Variants in MYDGF observed in about 807,000 individuals in gnomAD.
MYDGF encodes myeloid-derived growth factor.
In MYDGF, 29 loss-of-function variants were observed where a neutral mutation model predicts 24.2. That is an observed-to-expected ratio of 1.20 (90% CI 0.89 to 1.63). The LOEUF is 1.63. Among genes scored for constraint, MYDGF ranks in the 40% most tolerant of loss-of-function variants. The probability of loss-of-function intolerance (pLI) is 0.00; values close to 1 mark genes in which losing one functional copy is unlikely to be tolerated. For missense variants in MYDGF, 245 were observed against 234.8 expected (o/e 1.04, Z -0.29); for synonymous variants, 105 against 102.5 (o/e 1.02, Z -0.15).
At chr19:4,658,171 C>A (rs1402544663) in intron 5 of MYDGF, 87 bp from the exon 6 acceptor site, 41 of 1,184,940 alleles carry the variant, frequency 3.5e-5, no homozygotes, top group Non-Finnish European at 4.6e-5. Context: ...ATGGTGGGGG[C>A]TAAGCAGGCA....
rs113129733 is a variant in MYDGF at position 4,668,647 on chromosome 19, T to A, written c.175-2A>T. 2.5e-6 allele frequency: 4 copies of A among 1,612,108 alleles called. No homozygotes were observed. Among genetic ancestry groups the A allele is most frequent in the African/African-American group, 1.3e-5 (1 of 74,928 alleles). On this transcript the variant is annotated splice_acceptor_variant, in intron 1 of 5. Coordinates refer to ENST00000262947, the MANE Select transcript of MYDGF (RefSeq NM_019107.4). LOFTEE classifies it high-confidence loss of function. ...AGTGAACATACACGTATATTTGTCCTAGAGAATGGAAGGAAAAAAAAGGTT... is the reference window on the plus strand; with the variant it reads ...AGTGAACATACACGTATATTTGTCCAAGAGAATGGAAGGAAAAAAAAGGTT...
intron 3 of MYDGF, among the ~76,000 whole-genome samples, chr19:4,664,223 GT>G (rs1254618718): frequency 1.3e-5 from 2 of 152,078 alleles, no homozygotes; most frequent in African/African-American, 4.8e-5. Flanking sequence ...GGATGAAAAT[GT>G]TCTGGAAGCA....
Position 4,664,955 on chromosome 19 carries a change from C to T in MYDGF, c.226-18G>A, listed in dbSNP as rs754577322. 27 of 1,611,326 alleles carry T rather than the reference C, an allele frequency of 1.7e-5. No homozygotes were observed. In the African/African-American group the frequency reaches 1.9e-4, roughly 11 times the overall value. ...TGCCATTGCTGGGGAGAGAAGACAG[C>T]GCGGGTCAGCCCCGGACACACAGCT... On this transcript the variant is annotated intron_variant, in intron 2 of 5. Transcript: ENST00000262947.
At chr19:4,667,783 G>A (rs1365703862) in intron 2 of MYDGF, among the ~76,000 whole-genome samples, 1 of 151,202 alleles carries the variant, frequency 6.6e-6, no homozygotes, top group East Asian at 1.9e-4. Flanking sequence ...CTACAGCCTT[G>A]ACCTCCTGGG....
chr19:4,668,200 T>C (rs2088535417), intron 2 of MYDGF, among the ~76,000 whole-genome samples: 1 of 152,210 alleles, frequency 6.6e-6, no homozygotes, highest in Admixed American at 6.5e-5. Flanking sequence ...ATACCTTGAG[T>C]TTGGTTTTAT....
intron 3 of MYDGF, 59 bp downstream of exon 3, chr19:4,664,817 C>T: frequency 6.3e-7 from 1 of 1,584,392 alleles, no homozygotes; most frequent in South Asian, 1.1e-5. Flanking sequence ...AAAGCAGCTC[C>T]TGAGGCCACA....
intron 3 of MYDGF, 130 bp from the exon 4 acceptor site, chr19:4,660,880 G>A (rs1208741826): frequency 5.0e-6 from 3 of 595,476 alleles, no homozygotes; most frequent in East Asian, 3.2e-5. Context: ...CAACATGGAC[G>A]CCATTCCCGA....
At chr19:4,660,194 T>C (rs781540765) in intron 4 of MYDGF, among the ~76,000 whole-genome samples, 191 bp from the exon 5 acceptor site, 47 of 152,180 alleles carry the variant, frequency 3.1e-4, no homozygotes, top group Non-Finnish European at 5.6e-4. Context: ...AGTGCAATCA[T>C]AGCTCACTGC....
At chr19:4,665,820 CAAAAAAAAAAAAAAAAAAA>C (rs533879529) in intron 2 of MYDGF, among the ~76,000 whole-genome samples, 2 of 45,480 alleles carry the variant, frequency 4.4e-5, no homozygotes, top group African/African-American at 9.4e-5. Context: ...GACTCTGTCT[CAAAAAAAAAAAAAAAAAAA>C]AAAAAAAAAA....
At chr19:4,670,125 C>G (rs763500318) in intron 1 of MYDGF, 36 bp downstream of exon 1, 1 of 1,457,022 alleles carries the variant, frequency 6.9e-7, no homozygotes, top group South Asian at 1.4e-5. Flanking sequence ...CCGGGCCTGC[C>G]AGCACTCAAA....
At chr19:4,664,311 T>C (rs1428906483) in intron 3 of MYDGF, among the ~76,000 whole-genome samples, 2 of 152,036 alleles carry the variant, frequency 1.3e-5, no homozygotes, top group African/African-American at 4.8e-5. Context: ...CTTTATGGAA[T>C]TTTATCTCAG....
In MYDGF at chr19:4,658,067, C is replaced by T; in HGVS notation, c.460G>A (p.Ala154Thr). ...TKTAVAHRPG[A>T]FKAELSKLVI... ...AGCTTGGACAGCTCAGCTTTGAATG[C>T]CCCGGGCCTGTGAGCCACTGCAAGA... Residue 154 changes from alanine (A) to threonine (T), a missense_variant, in exon 6 of 6, where the codon GCA becomes ACA. Coordinates refer to ENST00000262947, the MANE Select transcript of MYDGF (RefSeq NM_019107.4). The T allele has an allele frequency of 6.2e-7, 1 of 1,611,112 alleles. No individual in the cohort carries two copies. The highest frequency in any genetic ancestry group is 1.1e-5 in the South Asian group (1 of 90,370).
In MYDGF at chr19:4,670,164, C is replaced by G. The variant is rs1276124881; in HGVS notation, c.171G>C (p.Pro57=). The G allele has an allele frequency of 2.0e-6, 3 of 1,533,988 alleles. No homozygotes were observed. The highest frequency in any genetic ancestry group is 2.0e-5 in the Admixed American group (1 of 48,870). Residue 57 remains proline (P), a synonymous_variant, in exon 1 of 6, where the codon CCG becomes CCC. Coordinates refer to ENST00000262947, the MANE Select transcript of MYDGF (RefSeq NM_019107.4). The part of the protein sequence containing the change: ...VVHSFSHNVG[P]GDKYTCMFTY... ...CCGGGACGGCGGTGGCACGTACCCC[C>G]GGGCCCACGTTATGGGAGAAGGAAT... is the stretch of plus-strand genomic sequence containing the variant.
intron 3 of MYDGF, among the ~76,000 whole-genome samples, chr19:4,660,972 T>A (rs1375060516): frequency 1.3e-5 from 2 of 150,164 alleles, no homozygotes; most frequent in Admixed American, 1.3e-4. Flanking sequence ...GAATTTTTTT[T>A]TTTTTTTTTT....
rs1254460508 is a variant in MYDGF at position 4,659,933 on chromosome 19, G to A, written c.440C>T (p.Ala147Val). ...ACCCCATCCCCATCTTTCCGTACCT[G>A]CTGTTTTGGTCACTTCAAATTCCTC... ...KTEEFEVTKT[A>V]VAHRPGAFKA... The change falls in exon 5 of 6, where the codon GCA (alanine) becomes GTA (valine). Residue 147 changes from alanine to valine, a missense_variant and splice_region_variant. Coordinates refer to ENST00000262947, the MANE Select transcript of MYDGF (RefSeq NM_019107.4). 6.8e-6 allele frequency: 11 copies of A among 1,613,622 alleles called. No individual in the cohort carries two copies. The highest frequency in any genetic ancestry group is 5.9e-6 in the Non-Finnish European group (7 of 1,179,780).
At chr19:4,666,093 T>C (rs2088519527) in intron 2 of MYDGF, among the ~76,000 whole-genome samples, 1 of 151,512 alleles carries the variant, frequency 6.6e-6, no homozygotes, top group African/African-American at 2.4e-5. Flanking sequence ...CAACGTGGGA[T>C]GATCACTTGA....
At position 4,670,341 on chromosome 19, in the gene MYDGF, C is replaced by T. The variant is rs1402860737; in HGVS notation, c.-7G>A. Reference sequence around the variant, plus strand: ...CTCCGCTGGGCGCCGCCATGTTGGACTAGGGTCCTCAGGGCAGGGGCGGGT... The same window carrying T: ...CTCCGCTGGGCGCCGCCATGTTGGATTAGGGTCCTCAGGGCAGGGGCGGGT... On this transcript the variant is annotated 5_prime_UTR_variant, in exon 1 of 6. Coordinates refer to ENST00000262947, the MANE Select transcript of MYDGF (RefSeq NM_019107.4). 3 of 1,432,364 alleles carry T rather than the reference C, an allele frequency of 2.1e-6. No homozygotes were observed. Among genetic ancestry groups the T allele is most frequent in the Non-Finnish European group, 2.8e-6 (3 of 1,089,992 alleles). The allele number at this position is 1,432,364 out of a possible 1,614,324, so 88.7% of individuals were successfully genotyped here. A position where few individuals can be genotyped will look rare whatever the true frequency, so the allele number is the denominator to read the frequency against.
intron 1 of MYDGF, among the ~76,000 whole-genome samples, chr19:4,669,951 G>A (rs1294317986): frequency 6.6e-6 from 1 of 151,366 alleles, no homozygotes; most frequent in Non-Finnish European, 1.5e-5. Context: ...ACAAGGCCCC[G>A]CTCCCTATGA....
In MYDGF at chr19:4,664,733, C is replaced by T. The variant is rs556229529; in HGVS notation, c.287+143G>A. 21 of 873,406 alleles carry T rather than the reference C, an allele frequency of 2.4e-5. No homozygotes were observed. In the African/African-American group the frequency reaches 3.4e-4, roughly 14 times the overall value. The allele number at this position is 873,406 out of a possible 1,614,324, so 54.1% of individuals were successfully genotyped here. Reference sequence around the variant, plus strand: ...CCACCCCAGCGACCCTGCCACCCCCCACCTGCACGTGCATGAGTCTCCCTG... The same window carrying T: ...CCACCCCAGCGACCCTGCCACCCCCTACCTGCACGTGCATGAGTCTCCCTG... On this transcript the variant is annotated intron_variant, in intron 3 of 5. Transcript: ENST00000262947.
Sources: gnomAD v4.1 joint callset for allele counts (sites outside exome capture counted in the v4.1 genomes callset) on GRCh38, gnomAD v4.1.1 for gene constraint, MANE v1.5 for transcripts, NCBI Gene and HGNC (gene_info 2026-07-23, HGNC 2026-07-21) for gene names.